MAGI2: variants seen among roughly 807,000 people sequenced by gnomAD.
The protein encoded by MAGI2 is membrane associated guanylate kinase, WW and PDZ domain containing 2, also known as membrane-associated guanylate kinase, WW and PDZ domain-containing protein 2.
MAGI2 carries 35 observed loss-of-function variants against 133.3 expected under a neutral mutation model. The ratio of observed to expected loss-of-function variants is 0.26; its 90% CI spans 0.20 to 0.35. The LOEUF is 0.35. Among genes scored for constraint, MAGI2 ranks in the 10% least tolerant of loss-of-function variants. The probability of loss-of-function intolerance (pLI) is 1.00; values close to 1 mark genes in which losing one functional copy is unlikely to be tolerated. For synonymous variants in MAGI2, 729 were observed against 710.6 expected (o/e 1.03, Z -0.41); for missense variants, 1,636 against 1,863.4 (o/e 0.88, Z 2.25).
intron 1 of MAGI2, among the ~76,000 whole-genome samples, chr7:79,317,854 G>A (rs112657722): frequency 0.047 from 7,212 of 152,186 alleles, 276 homozygotes; most frequent in African/African-American, 0.11. Flanking sequence ...TACTTAACTG[G>A]AATGTGCCTG....
intron 2 of MAGI2, among the ~76,000 whole-genome samples, chr7:78,742,331 G>A (rs1386928030): frequency 2.6e-5 from 4 of 151,968 alleles, no homozygotes; most frequent in Non-Finnish European, 5.9e-5. Flanking sequence ...TCTACCATCA[G>A]TTTTTAACCT....
At chr7:79,214,429 AT>A (rs1829818887) in intron 1 of MAGI2, among the ~76,000 whole-genome samples, 1 of 127,638 alleles carries the variant, frequency 7.8e-6, no homozygotes, top group East Asian at 2.2e-4. Flanking sequence ...ATATATATAT[AT>A]ATATATATAT....
chr7:79,091,598 A>T lies in MAGI2; in HGVS notation c.302-84392T>A, dbSNP rs559466896. On this transcript the variant is annotated intron_variant, in intron 1 of 21. Transcript: ENST00000354212. The stretch of plus-strand genomic sequence containing the variant: ...GATATTATGTTTTAAATACTATTTT[A>T]CACATCTTTCTTTAAAAAAAGTCTC... Among the ~76,000 whole-genome samples the T allele has an allele frequency of 5.3e-5, 8 of 152,198 alleles. No homozygotes were observed. In the South Asian group the frequency reaches 8.3e-4, roughly 16 times the overall value.
intron 16 of MAGI2, among the ~76,000 whole-genome samples, chr7:78,139,338 G>A (rs374065418): frequency 6.6e-6 from 1 of 152,320 alleles, no homozygotes; most frequent in East Asian, 1.9e-4. Flanking sequence ...CCTTACATAT[G>A]TAAGTGCACT....
At chr7:78,276,189 T>C (rs1795040562) in intron 9 of MAGI2, among the ~76,000 whole-genome samples, 1 of 152,194 alleles carries the variant, frequency 6.6e-6, no homozygotes, top group South Asian at 2.1e-4. Context: ...GATCTTTCAA[T>C]AATTCCTTCA....
chr7:78,399,831 A>G (rs1426260143), intron 6 of MAGI2, among the ~76,000 whole-genome samples: 1 of 143,736 alleles, frequency 7.0e-6, no homozygotes, highest in African/African-American at 2.5e-5. Flanking sequence ...AAAAAAAGGC[A>G]TAACATTTAC....
chr7:78,882,086 CAAA>C (rs771918590), intron 2 of MAGI2, among the ~76,000 whole-genome samples: 6 of 12,466 alleles, frequency 4.8e-4, no homozygotes, highest in African/African-American at 1.0e-3. Context: ...ACAACAACAA[CAAA>C]AAAAAAAAAA....
intron 2 of MAGI2, among the ~76,000 whole-genome samples, chr7:78,924,429 C>A (rs1349893554): frequency 6.6e-6 from 1 of 152,048 alleles, no homozygotes; most frequent in Non-Finnish European, 1.5e-5. Context: ...TGTCAAAGGC[C>A]TTTTCTGCAT....
chr7:78,616,861 C>T (rs1584858253), intron 3 of MAGI2: 1 of 152,118 alleles, frequency 6.6e-6, no homozygotes, highest in Non-Finnish European at 1.5e-5. Flanking sequence ...TCATTCAACC[C>T]ACCTTTATTG....
intron 3 of MAGI2, among the ~76,000 whole-genome samples, chr7:78,555,024 G>A (rs529521197): frequency 6.6e-6 from 1 of 151,978 alleles, no homozygotes; most frequent in East Asian, 1.9e-4. Context: ...GTAAGGCAGC[G>A]CAGCCTCAGA....
chr7:78,625,149 G>A (rs1808209667), intron 3 of MAGI2, among the ~76,000 whole-genome samples: 1 of 151,998 alleles, frequency 6.6e-6, no homozygotes, highest in Non-Finnish European at 1.5e-5. Context: ...AGTTTAAAAA[G>A]TTAAAACAAT....
intron 3 of MAGI2, among the ~76,000 whole-genome samples, chr7:78,599,085 T>C (rs1243592024): frequency 6.6e-6 from 1 of 152,190 alleles, no homozygotes; most frequent in Admixed American, 6.5e-5. Context: ...AGATTTATCA[T>C]TTACATGCAC....
intron 11 of MAGI2, among the ~76,000 whole-genome samples, chr7:78,195,538 C>T (rs1026322780): frequency 2.0e-5 from 3 of 152,288 alleles, no homozygotes; most frequent in South Asian, 4.1e-4. Flanking sequence ...CAACAACTTC[C>T]TACGCTTGAG....
intron 1 of MAGI2, among the ~76,000 whole-genome samples, chr7:79,027,978 C>T (rs1810068716): frequency 6.6e-6 from 1 of 151,302 alleles, no homozygotes; most frequent in African/African-American, 2.4e-5. Flanking sequence ...CTTTGGGAGG[C>T]CAAGGTGAAT....
rs1788989762 is a variant in MAGI2 at position 78,453,763 on chromosome 7, T to TTTTATATTTGAGACCAGGGAGGCTTTC, written c.1045+35971_1045+35997dup. ...CAGAGGATTAGTAAAATTATCGCCATTTTATATTTGAGACCAGGGAGGCTT... is the reference window on the plus strand; with the variant it reads ...CAGAGGATTAGTAAAATTATCGCCATTTTATATTTGAGACCAGGGAGGCTTTCTTTATATTTGAGACCAGGGAGGCTT... On this transcript the variant is annotated intron_variant, in intron 6 of 21. Coordinates refer to ENST00000354212, the MANE Select transcript of MAGI2 (RefSeq NM_012301.4). 7.2e-5 allele frequency among the ~76,000 whole-genome samples: 11 copies of TTTTATATTTGAGACCAGGGAGGCTTTC among 152,296 alleles called. No individual in the cohort carries two copies. In the South Asian group the frequency reaches 2.3e-3, roughly 32 times the overall value.
intron 1 of MAGI2, among the ~76,000 whole-genome samples, chr7:79,352,617 C>T (rs1841766291): frequency 1.3e-5 from 2 of 152,156 alleles, no homozygotes; most frequent in South Asian, 4.1e-4. Context: ...GCTATTATTA[C>T]TGGAGGACTA....
At chr7:78,828,378 G>A (rs191205532) in intron 2 of MAGI2, among the ~76,000 whole-genome samples, 37 of 152,150 alleles carry the variant, frequency 2.4e-4, no homozygotes, top group African/African-American at 8.5e-4. Flanking sequence ...TGAAAATGAT[G>A]TTTTACTTCT....
intron 2 of MAGI2, among the ~76,000 whole-genome samples, chr7:78,758,901 T>C (rs941396744): frequency 6.6e-6 from 1 of 152,220 alleles, no homozygotes; most frequent in Non-Finnish European, 1.5e-5. Flanking sequence ...CGCATTACTC[T>C]GGTAGTTAAT....
intron 1 of MAGI2, among the ~76,000 whole-genome samples, chr7:79,014,481 C>T (rs1250035145): frequency 6.6e-6 from 1 of 152,072 alleles, no homozygotes; most frequent in Non-Finnish European, 1.5e-5. Flanking sequence ...CTAATAAGAG[C>T]ATATATCCTA....
Sources: allele counts gnomAD v4.1 joint callset (sites outside exome capture counted in the v4.1 genomes callset), GRCh38; gene constraint gnomAD v4.1.1; transcripts MANE v1.5; gene names NCBI Gene and HGNC (gene_info 2026-07-23, HGNC 2026-07-21).